The following SWAP70 variants were observed in gnomAD, a reference collection of about 807,000 sequenced individuals.
The protein encoded by SWAP70 is switch-associated protein 70.
SWAP70 carries 34 observed loss-of-function variants against 80.2 expected under a neutral mutation model. That is an observed-to-expected ratio of 0.42 (90% CI 0.32 to 0.56). The LOEUF is 0.56. SWAP70 is among the 20% of genes least tolerant of loss of function. The probability of loss-of-function intolerance (pLI) is 0.09; values close to 1 mark genes in which losing one functional copy is unlikely to be tolerated. For synonymous variants in SWAP70, 239 were observed against 238.5 expected (o/e 1.00, Z -0.02); for missense variants, 578 against 690.7 (o/e 0.84, Z 1.83).
rs1390297310 is a variant in SWAP70, at chr11:9,728,148, T to C, written c.738T>C (p.Asp246=). The C allele has an allele frequency of 6.2e-7, 1 of 1,613,246 alleles. No homozygotes were observed. The highest frequency in any genetic ancestry group is 1.7e-5 in the Admixed American group (1 of 59,860). The change falls in exon 5 of 12, where the codon GAT becomes GAC. Residue 246 remains aspartate, a synonymous_variant. Transcript: ENST00000318950. Reference sequence around the variant, plus strand: ...TAATTTCTTACTATGTGAGTGAGGATCTGAAGGATAAGAAAGGAGACATTC... The same window carrying C: ...TAATTTCTTACTATGTGAGTGAGGACCTGAAGGATAAGAAAGGAGACATTC... ...PNIISYYVSE[D]LKDKKGDILL...
At chr11:9,686,221 C>G (rs1850629886) in intron 1 of SWAP70, among the ~76,000 whole-genome samples, 1 of 151,816 alleles carries the variant, frequency 6.6e-6, no homozygotes. Flanking sequence ...TTATATATCT[C>G]TCTTTCTCCC....
At chr11:9,667,284 C>G (rs148918653) in intron 1 of SWAP70, among the ~76,000 whole-genome samples, 2 of 151,834 alleles carry the variant, frequency 1.3e-5, no homozygotes, top group Non-Finnish European at 2.9e-5. Flanking sequence ...CAGGGTCTTG[C>G]TGTGTCACCC....
intron 1 of SWAP70, among the ~76,000 whole-genome samples, chr11:9,689,998 A>G (rs551137943): frequency 1.4e-3 from 215 of 152,324 alleles, no homozygotes; most frequent in Non-Finnish European, 2.0e-3. Context: ...GTAGCAAAGC[A>G]TGGAAAGGAC....
Position 9,705,656 on chromosome 11 carries a change from A to G in SWAP70, c.241-7810A>G, listed in dbSNP as rs555639364. Among the ~76,000 whole-genome samples the G allele has an allele frequency of 2.9e-3, 406 of 141,710 alleles. 49 individuals are homozygous for G. The highest frequency in any genetic ancestry group is 0.011 in the African/African-American group (371 of 34,272). 93.0% of individuals were successfully genotyped at this position (141,710 alleles called of 152,430 possible). A position where few individuals can be genotyped will look rare whatever the true frequency, so the allele number is the denominator to read the frequency against. Reference sequence around the variant, plus strand: ...GATCTGTATACACTTGGTGATCTGTATACACTGGTGATCTGTGTACACTTG... The same window carrying G: ...GATCTGTATACACTTGGTGATCTGTGTACACTGGTGATCTGTGTACACTTG... On this transcript the variant is annotated intron_variant, in intron 2 of 11. Coordinates refer to ENST00000318950, the MANE Select transcript of SWAP70 (RefSeq NM_015055.4).
At chr11:9,671,114 AAT>A (rs1244891427) in intron 1 of SWAP70, among the ~76,000 whole-genome samples, 3 of 136,148 alleles carry the variant, frequency 2.2e-5, no homozygotes, top group Admixed American at 8.0e-5. Context: ...TAAATATAAA[AAT>A]ATATATAAAT....
chr11:9,749,060 A>G lies in SWAP70; in HGVS notation c.1555-27A>G, dbSNP rs780895872. The G allele has an allele frequency of 1.5e-5, 23 of 1,524,664 alleles. No homozygotes were observed. The East Asian group carries it at 2.9e-4, about 19-fold the overall frequency. The allele number at this position is 1,524,664 out of a possible 1,614,324, so 94.4% of individuals were successfully genotyped here. Reference sequence around the variant, plus strand: ...GTTCTTAAACTACCCGTGTGTCTGCATAGTCCAAAATCCACTTTTGTTTCA... The same window carrying G: ...GTTCTTAAACTACCCGTGTGTCTGCGTAGTCCAAAATCCACTTTTGTTTCA... On this transcript the variant is annotated intron_variant, in intron 10 of 11. Transcript: ENST00000318950.
At chr11:9,714,497 T>G (rs1851039643) in intron 3 of SWAP70, among the ~76,000 whole-genome samples, 1 of 152,212 alleles carries the variant, frequency 6.6e-6, no homozygotes, top group Admixed American at 6.5e-5. Flanking sequence ...TCTGATTATT[T>G]TCTTTGAATA....
chr11:9,734,204 C>T (rs780431542), intron 7 of SWAP70, among the ~76,000 whole-genome samples: 2 of 152,230 alleles, frequency 1.3e-5, no homozygotes, highest in African/African-American at 2.4e-5. Flanking sequence ...GTCTTTCCCT[C>T]ATCCCTAACC....
chr11:9,724,996 CGTTTTTTTATTTTTT>C (rs1051238476), intron 4 of SWAP70, 111 bp downstream of exon 4: 8 of 825,712 alleles, frequency 9.7e-6, no homozygotes, highest in Non-Finnish European at 1.5e-5. Context: ...ACACTGATTT[CGTTTTTTTATTTTTT>C]GTTTTTTTGA....
At chr11:9,701,445 T>TA (rs1396326857) in intron 2 of SWAP70, among the ~76,000 whole-genome samples, 3 of 152,018 alleles carry the variant, frequency 2.0e-5, no homozygotes, top group Non-Finnish European at 4.4e-5. Context: ...ATGCTGGGAT[T>TA]ATAGGCGTGA....
chr11:9,682,685 A>T (rs1283713353), intron 1 of SWAP70, among the ~76,000 whole-genome samples: 3 of 151,098 alleles, frequency 2.0e-5, no homozygotes, highest in South Asian at 2.1e-4. Context: ...TTTTATTTTT[A>T]TTTTTTTTTG....
chr11:9,722,323 A>G (rs1209933795), intron 3 of SWAP70, among the ~76,000 whole-genome samples: 2 of 152,252 alleles, frequency 1.3e-5, no homozygotes, highest in East Asian at 1.9e-4. Flanking sequence ...TGAGTGGGAC[A>G]TGGTTCCTCC....
At position 9,740,190 on chromosome 11, in the gene SWAP70, C is replaced by G; in HGVS notation, c.1198C>G (p.Gln400Glu). 6.2e-7 allele frequency: 1 copy of G among 1,613,960 alleles called. No individual in the cohort carries two copies. The highest frequency in any genetic ancestry group is 8.5e-7 in the Non-Finnish European group (1 of 1,179,928). Residue 400 changes from glutamine to glutamate, a missense_variant, in exon 9 of 12, where the codon CAG (glutamine) becomes GAG (glutamate). Gln to Glu is a conservative substitution (Grantham distance 29). Coordinates refer to ENST00000318950, the MANE Select transcript of SWAP70 (RefSeq NM_015055.4). ...CCTTTTATACCAACAGATCAGACAG[C>G]AGATGGAAGAACAGGTTGCTCAAAA... The part of the protein sequence containing the change: ...ELEREKLIRQ[Q>E]MEEQVAQKSS...
At chr11:9,724,206 G>C (rs2133804544) in intron 3 of SWAP70, among the ~76,000 whole-genome samples, 1 of 152,326 alleles carries the variant, frequency 6.6e-6, no homozygotes, top group South Asian at 2.1e-4. Context: ...GGAGGAAGCA[G>C]CATGAATTTT....
intron 2 of SWAP70, among the ~76,000 whole-genome samples, chr11:9,706,510 T>A (rs1384560527): frequency 1.3e-5 from 2 of 152,226 alleles, no homozygotes; most frequent in Non-Finnish European, 2.9e-5. Context: ...CTACCACTCA[T>A]CTTGGGAAAC....
At chr11:9,671,795 AAT>A (rs1194783073) in intron 1 of SWAP70, among the ~76,000 whole-genome samples, 2 of 61,532 alleles carry the variant, frequency 3.3e-5, no homozygotes, top group Non-Finnish European at 5.6e-5. Context: ...ATTATTTATA[AAT>A]ATATATAAAT....
At position 9,713,471 on chromosome 11, in the gene SWAP70, A is replaced by G. The variant is rs766268058; in HGVS notation, c.246A>G (p.Gln82=). The change falls in exon 3 of 12, where the codon CAA becomes CAG. Residue 82 remains glutamine (Q), a synonymous_variant. Transcript: ENST00000318950. ...YLNRFILEKV[Q]DNFDKIEFNR... is the part of the protein sequence containing the mutation. ...TTTTCCTTATTCCTTTTTAGGTCCA[A>G]GACAACTTTGACAAGATTGAATTCA... 118 of 1,610,730 alleles carry G rather than the reference A, an allele frequency of 7.3e-5. No homozygotes were observed. The highest frequency in any genetic ancestry group is 9.6e-5 in the Non-Finnish European group (113 of 1,178,968).
chr11:9,672,195 C>CTATGTATGTATATATATA (rs530619499), intron 1 of SWAP70, among the ~76,000 whole-genome samples: 3 of 78,438 alleles, frequency 3.8e-5, no homozygotes, highest in Non-Finnish European at 7.0e-5. Context: ...ATGTGTGTGT[C>CTATGTATGTATATATATA]TATATATATA....
At chr11:9,699,449 A>G (rs1198479141) in intron 2 of SWAP70, among the ~76,000 whole-genome samples, 1 of 151,924 alleles carries the variant, frequency 6.6e-6, no homozygotes, top group African/African-American at 2.4e-5. Context: ...TAGTTTTATT[A>G]TATGTAAATA....
Sources: allele counts gnomAD v4.1 joint callset (sites outside exome capture counted in the v4.1 genomes callset), GRCh38; gene constraint gnomAD v4.1.1; transcripts MANE v1.5; gene names NCBI Gene and HGNC (gene_info 2026-07-23, HGNC 2026-07-21).